Variants in MPPED2 observed in about 807,000 individuals in gnomAD.
MPPED2 encodes the protein metallophosphoesterase MPPED2.
A neutral mutation model predicts 33.0 loss-of-function variants in MPPED2; 5 were observed. The observed-to-expected ratio is 0.15, with a 90% confidence interval of 0.08 to 0.32. The LOEUF (loss-of-function observed/expected upper bound fraction) is 0.32, where lower values mean the gene tolerates loss of function less well. Among genes scored for constraint, MPPED2 ranks in the 10% least tolerant of loss-of-function variants. The pLI is 1.00. For synonymous variants in MPPED2, 136 were observed against 141.9 expected, an observed-to-expected ratio of 0.96 and a Z score of 0.29; for missense variants, 275 against 372.1, an observed-to-expected ratio of 0.74 and a Z score of 2.15.
At chr11:30,451,381 T>C (rs1213130163) in intron 4 of MPPED2, among the ~76,000 whole-genome samples, 3 of 152,234 alleles carry the variant, frequency 2.0e-5, no homozygotes, top group African/African-American at 7.2e-5. Flanking sequence ...TTCCCACTGC[T>C]AACCTGGCCC....
At chr11:30,546,178 A>G (rs996988127) in intron 2 of MPPED2, among the ~76,000 whole-genome samples, 11 of 152,270 alleles carry the variant, frequency 7.2e-5, no homozygotes, top group African/African-American at 2.4e-4. Context: ...AAAAAACAAT[A>G]GAGACATGCC....
chr11:30,559,072 T>G (rs1303272591), intron 2 of MPPED2, among the ~76,000 whole-genome samples: 1 of 152,204 alleles, frequency 6.6e-6, no homozygotes, highest in Non-Finnish European at 1.5e-5. Context: ...GTCATCAATT[T>G]GGAAATATTA....
chr11:30,511,598 A>ACATG (rs936948213), intron 3 of MPPED2, among the ~76,000 whole-genome samples: 15 of 152,076 alleles, frequency 9.9e-5, no homozygotes, highest in Admixed American at 5.9e-4. Flanking sequence ...GGCAGGAAAT[A>ACATG]CATGCATGCA....
At chr11:30,515,972 T>C (rs920612106) in intron 3 of MPPED2, among the ~76,000 whole-genome samples, 3 of 152,148 alleles carry the variant, frequency 2.0e-5, no homozygotes, top group Non-Finnish European at 4.4e-5. Flanking sequence ...ACCACATTCA[T>C]AGAGCATGAA....
intron 4 of MPPED2, among the ~76,000 whole-genome samples, chr11:30,485,968 G>A (rs1453900468): frequency 6.6e-6 from 1 of 152,182 alleles, no homozygotes; most frequent in African/African-American, 2.4e-5. Context: ...CAGCATGCAG[G>A]CTCATCAGAA....
chr11:30,461,413 A>G (rs1950513757), intron 4 of MPPED2, among the ~76,000 whole-genome samples: 2 of 152,174 alleles, frequency 1.3e-5, no homozygotes, highest in Admixed American at 1.3e-4. Flanking sequence ...TGAAAAGAAT[A>G]TATTAGGAAA....
chr11:30,387,330 C>G (rs572068880), exon 7 of MPPED2: 1 of 152,326 alleles, frequency 6.6e-6, no homozygotes, highest in East Asian at 1.9e-4. Context: ...ATTTTCAGAA[C>G]GTTTCATTTC....
intron 1 of MPPED2, among the ~76,000 whole-genome samples, chr11:30,582,432 A>G (rs539133823): frequency 6.6e-6 from 1 of 152,304 alleles, no homozygotes; most frequent in East Asian, 1.9e-4. Flanking sequence ...TCTTCCATCA[A>G]TGTCTATTGT....
At chr11:30,403,870 T>C (rs1158589621) in intron 6 of MPPED2, among the ~76,000 whole-genome samples, 1 of 152,154 alleles carries the variant, frequency 6.6e-6, no homozygotes, top group African/African-American at 2.4e-5. Context: ...CATGGGGAGA[T>C]GGAGTTCAAG....
intron 3 of MPPED2, among the ~76,000 whole-genome samples, chr11:30,504,133 C>A (rs1182240744): frequency 6.6e-6 from 1 of 152,122 alleles, no homozygotes; most frequent in East Asian, 1.9e-4. Context: ...TATAAAGTTA[C>A]TTTGTTTCAC....
At chr11:30,449,744 T>C (rs760787841) in intron 4 of MPPED2, among the ~76,000 whole-genome samples, 8 of 152,150 alleles carry the variant, frequency 5.3e-5, no homozygotes, top group Non-Finnish European at 8.8e-5. Context: ...TGGTATAAAT[T>C]TCCCTTCCTC....
downstream of MPPED2, chr11:30,410,037 G>C: frequency 1.1e-6 from 1 of 881,560 alleles, no homozygotes; most frequent in Non-Finnish European, 1.4e-6. Context: ...AGAGTACACT[G>C]AGTGCCTTAT....
chr11:30,509,939 TC>T (rs942464399), intron 3 of MPPED2, among the ~76,000 whole-genome samples: 1 of 152,142 alleles, frequency 6.6e-6, no homozygotes, highest in African/African-American at 2.4e-5. Flanking sequence ...AATCACCGGG[TC>T]AGAGATTTAA....
intron 6 of MPPED2, among the ~76,000 whole-genome samples, chr11:30,391,662 G>A (rs1466143629): frequency 6.6e-6 from 1 of 152,052 alleles, no homozygotes; most frequent in Non-Finnish European, 1.5e-5. Flanking sequence ...TTCAATGTCT[G>A]GCATTTATTA....
intron 4 of MPPED2, among the ~76,000 whole-genome samples, chr11:30,433,375 A>G (rs1949170283): frequency 1.3e-5 from 2 of 152,220 alleles, no homozygotes; most frequent in South Asian, 4.1e-4. Flanking sequence ...ATGGCTATTC[A>G]TAAGAGCTAA....
At chr11:30,415,220 G>A (rs1452564683) in intron 5 of MPPED2, among the ~76,000 whole-genome samples, 1 of 152,200 alleles carries the variant, frequency 6.6e-6, no homozygotes, top group Non-Finnish European at 1.5e-5. Context: ...CTGCAGACAT[G>A]AACGTTTAGT....
intron 3 of MPPED2, among the ~76,000 whole-genome samples, chr11:30,505,879 C>T (rs910066696): frequency 6.6e-6 from 1 of 151,946 alleles, no homozygotes; most frequent in Non-Finnish European, 1.5e-5. Flanking sequence ...AACTCAGACT[C>T]CAAACACATA....
intron 5 of MPPED2, among the ~76,000 whole-genome samples, chr11:30,416,313 G>A (rs1004322921): frequency 5.9e-5 from 9 of 152,218 alleles, no homozygotes; most frequent in Admixed American, 3.3e-4. Flanking sequence ...CCTCCGCCAT[G>A]GTGCTCACTT....
At chr11:30,484,083 T>C (rs913075344) in intron 4 of MPPED2, among the ~76,000 whole-genome samples, 10 of 152,236 alleles carry the variant, frequency 6.6e-5, no homozygotes, top group African/African-American at 2.2e-4. Flanking sequence ...TCACTTAGTC[T>C]TCAATGTTGA....
Sources: allele counts gnomAD v4.1 joint callset (sites outside exome capture counted in the v4.1 genomes callset), GRCh38; gene constraint gnomAD v4.1.1; transcripts MANE v1.5; gene names NCBI Gene and HGNC (gene_info 2026-07-23, HGNC 2026-07-21).